PLXNA4: variants seen among roughly 807,000 people sequenced by gnomAD.
PLXNA4 encodes the protein plexin-A4.
PLXNA4 carries 44 observed loss-of-function variants against 191.8 expected under a neutral mutation model. The observed-to-expected ratio is 0.23, with a 90% CI of 0.18 to 0.29. PLXNA4 has a LOEUF of 0.29. Ranked by LOEUF, PLXNA4 falls within the 10% of genes least tolerant of loss-of-function variation. The pLI is 1.00. For missense variants in PLXNA4, 1,800 were observed against 2,488.8 expected (o/e 0.72, Z 5.89); for synonymous variants, 1,082 against 1,009.5 (o/e 1.07, Z -1.36).
At chr7:132,309,501 C>T (rs1009333538) in intron 3 of PLXNA4, among the ~76,000 whole-genome samples, 1 of 152,164 alleles carries the variant, frequency 6.6e-6, no homozygotes, top group South Asian at 2.1e-4. Context: ...TTCATCTCTG[C>T]CCCCACACAT....
chr7:132,592,080 G>A (rs113578829), intron 2 of PLXNA4, among the ~76,000 whole-genome samples: 2,540 of 152,292 alleles, frequency 0.017, 77 homozygotes, highest in African/African-American at 0.058. Context: ...AGCTCATGAG[G>A]TGAAAGTCCC....
chr7:132,178,519 G>C (rs548133003), intron 20 of PLXNA4, among the ~76,000 whole-genome samples: 11 of 152,348 alleles, frequency 7.2e-5, no homozygotes, highest in African/African-American at 2.2e-4. Context: ...CCTTCAAGGA[G>C]AGGGCAAGGA....
Position 132,569,041 on chromosome 7 carries a change from T to C in PLXNA4, c.-87+7381A>G, listed in dbSNP as rs571975633. ...GACCCACAGAGGCTCTAGCTTGACC[T>C]GGTATTCCCAACCCCAAAGTGAGGG... On this transcript the variant is annotated intron_variant, in intron 1 of 31. Coordinates refer to ENST00000321063, the MANE Select transcript of PLXNA4 (RefSeq NM_020911.2). Among the ~76,000 whole-genome samples the C allele has an allele frequency of 1.6e-4, 24 of 152,346 alleles. No individual in the cohort carries two copies. The South Asian group carries it at 4.3e-3, about 28-fold the overall frequency.
intron 4 of PLXNA4, among the ~76,000 whole-genome samples, chr7:132,269,874 C>A (rs1799998251): frequency 6.6e-6 from 1 of 152,014 alleles, no homozygotes; most frequent in African/African-American, 2.4e-5. Flanking sequence ...AATAGGGAGT[C>A]CTGCAGAGGG....
intron 1 of PLXNA4, among the ~76,000 whole-genome samples, chr7:132,563,405 CTCCTCT>C (rs1801458568): frequency 9.6e-6 from 1 of 104,428 alleles, no homozygotes; most frequent in Non-Finnish European, 2.0e-5. Context: ...TCTCCTCCTC[CTCCTCT>C]CCCTCCTCCT....
At chr7:132,310,098 T>C (rs1001583818) in intron 3 of PLXNA4, among the ~76,000 whole-genome samples, 8 of 152,350 alleles carry the variant, frequency 5.3e-5, no homozygotes, top group South Asian at 4.1e-4. Context: ...CAAGCTCGAC[T>C]GCTGATTCTG....
intron 28 of PLXNA4, 46 bp from the exon 29 acceptor site, chr7:132,145,334 C>T (rs375371456): frequency 1.2e-6 from 2 of 1,607,370 alleles, no homozygotes; most frequent in Non-Finnish European, 1.7e-6. Flanking sequence ...TCACGTAGTT[C>T]TGAGGATGGC....
At chr7:132,558,049 G>A (rs1364438100) in intron 1 of PLXNA4, among the ~76,000 whole-genome samples, 1 of 152,150 alleles carries the variant, frequency 6.6e-6, no homozygotes, top group East Asian at 1.9e-4. Context: ...AATATGAGAT[G>A]TAAATACTGA....
intron 3 of PLXNA4, among the ~76,000 whole-genome samples, chr7:132,443,595 C>T (rs1585142449): frequency 6.6e-6 from 1 of 152,126 alleles, no homozygotes; most frequent in Non-Finnish European, 1.5e-5. Context: ...GACGATGAGC[C>T]GACACTGCGC....
chr7:132,550,887 G>A (rs1005959216), intron 1 of PLXNA4, among the ~76,000 whole-genome samples: 3 of 152,120 alleles, frequency 2.0e-5, no homozygotes, highest in African/African-American at 7.2e-5. Flanking sequence ...ATATCTCCAT[G>A]CTGTCCCATA....
intron 12 of PLXNA4, among the ~76,000 whole-genome samples, chr7:132,200,129 C>G (rs1337798908): frequency 6.6e-6 from 1 of 152,196 alleles, no homozygotes; most frequent in Non-Finnish European, 1.5e-5. Context: ...TGGCCCACTC[C>G]TTCGTTTCCC....
At position 132,445,474 on chromosome 7, in the gene PLXNA4, T is replaced by A. The variant is rs376971273; in HGVS notation, c.1371+43818A>T. 2.0e-5 allele frequency among the ~76,000 whole-genome samples: 3 copies of A among 151,490 alleles called. No homozygotes were observed. In the South Asian group the frequency reaches 6.3e-4, roughly 32 times the overall value. On this transcript the variant is annotated intron_variant, in intron 3 of 31. Transcript: ENST00000321063. ...CCCTGAAAGCATCTCACACAACACA[T>A]CTAGTTGCCTACTGCCATGGGGTAC...
At chr7:132,584,103 G>A (rs1802461634) in intron 2 of PLXNA4, among the ~76,000 whole-genome samples, 1 of 152,306 alleles carries the variant, frequency 6.6e-6, no homozygotes, top group Non-Finnish European at 1.5e-5. Flanking sequence ...GATAAGACAG[G>A]TCAGCCCAGG....
chr7:132,235,191 C>T (rs1798657084), intron 5 of PLXNA4, among the ~76,000 whole-genome samples: 1 of 152,220 alleles, frequency 6.6e-6, no homozygotes, highest in African/African-American at 2.4e-5. Context: ...GGATCCAACT[C>T]CAGCCTCTGC....
chr7:132,232,306 C>A (rs896440417), intron 5 of PLXNA4, among the ~76,000 whole-genome samples: 5 of 152,202 alleles, frequency 3.3e-5, no homozygotes, highest in South Asian at 4.1e-4. Context: ...CTGCTTCATC[C>A]ATTTCCCAGG....
chr7:132,190,409 A>T (rs191682101), intron 14 of PLXNA4, among the ~76,000 whole-genome samples: 1 of 152,290 alleles, frequency 6.6e-6, no homozygotes, highest in Non-Finnish European at 1.5e-5. Context: ...GGTACATGGG[A>T]GCTACTCAGG....
chr7:132,384,286 T>A, intron 3 of PLXNA4: 1 of 985,450 alleles, frequency 1.0e-6, no homozygotes, highest in Middle Eastern at 5.2e-4. Flanking sequence ...GTAACCAGAT[T>A]AGCACCAGTC....
At chr7:132,366,135 T>C (rs1804174739) in intron 3 of PLXNA4, 1 of 151,922 alleles carries the variant, frequency 6.6e-6, no homozygotes, top group African/African-American at 2.4e-5. Context: ...GAGCCAGAGG[T>C]GAGAGCCTCA....
At chr7:132,315,051 GAA>G (rs1338163415) in intron 3 of PLXNA4, among the ~76,000 whole-genome samples, 1 of 152,174 alleles carries the variant, frequency 6.6e-6, no homozygotes, top group Non-Finnish European at 1.5e-5. Context: ...TTATCCAGTG[GAA>G]TATTGTGCTC....
Sources: allele counts gnomAD v4.1 joint callset (sites outside exome capture counted in the v4.1 genomes callset), GRCh38; gene constraint gnomAD v4.1.1; transcripts MANE v1.5; gene names NCBI Gene and HGNC (gene_info 2026-07-23, HGNC 2026-07-21).